C8orf34: variants seen among roughly 807,000 people sequenced by gnomAD.
The protein encoded by C8orf34 is chromosome 8 open reading frame 34.
In C8orf34, 65 loss-of-function variants were observed where a neutral mutation model predicts 68.3. The ratio of observed to expected loss-of-function variants is 0.95; its 90% confidence interval spans 0.78 to 1.17. The LOEUF is 1.17. Among genes scored for constraint, C8orf34 ranks in the 50% most tolerant of loss-of-function variants. C8orf34 has a pLI of 0.00. For missense variants in C8orf34, 664 were observed against 655.4 expected (o/e 1.01, Z -0.14); for synonymous variants, 244 against 241.2 (o/e 1.01, Z -0.11).
chr8:68,691,306 T>G (rs143892124), intron 8 of C8orf34, among the ~76,000 whole-genome samples: 7 of 152,092 alleles, frequency 4.6e-5, no homozygotes, highest in African/African-American at 9.7e-5. Context: ...TTTTTAGTAA[T>G]AAAGTATTTG....
At chr8:68,502,319 T>C (rs1301185552) in intron 5 of C8orf34, among the ~76,000 whole-genome samples, 1 of 152,196 alleles carries the variant, frequency 6.6e-6, no homozygotes, top group Non-Finnish European at 1.5e-5. Flanking sequence ...ATTCCAGGTC[T>C]GGAGCAAGGA....
At chr8:68,811,549 G>T (rs1317410873) in intron 12 of C8orf34, among the ~76,000 whole-genome samples, 1 of 152,146 alleles carries the variant, frequency 6.6e-6, no homozygotes, top group African/African-American at 2.4e-5. Flanking sequence ...TGGTGTCTTC[G>T]CAGCAGCCGC....
intron 1 of C8orf34, among the ~76,000 whole-genome samples, chr8:68,387,907 A>T (rs1292310871): frequency 6.6e-6 from 1 of 152,176 alleles, no homozygotes; most frequent in Non-Finnish European, 1.5e-5. Context: ...AGTTAGTAAA[A>T]GGTATTTACT....
chr8:68,631,447 C>T (rs1000872324), intron 7 of C8orf34, among the ~76,000 whole-genome samples: 8 of 152,076 alleles, frequency 5.3e-5, no homozygotes, highest in Non-Finnish European at 1.2e-4. Flanking sequence ...TATGTTCCTG[C>T]ATGATTATTA....
intron 7 of C8orf34, among the ~76,000 whole-genome samples, chr8:68,606,026 T>A (rs1416568555): frequency 6.6e-6 from 1 of 152,134 alleles, no homozygotes; most frequent in African/African-American, 2.4e-5. Flanking sequence ...AACATAATAC[T>A]GCTCTAAAAA....
intron 8 of C8orf34, among the ~76,000 whole-genome samples, chr8:68,705,036 T>C (rs1189172282): frequency 2.0e-5 from 3 of 152,138 alleles, no homozygotes; most frequent in Non-Finnish European, 4.4e-5. Flanking sequence ...AAAGAAGTGA[T>C]AGATTCGAGA....
chr8:68,609,499 T>A (rs1281927168), intron 7 of C8orf34, among the ~76,000 whole-genome samples: 1 of 152,148 alleles, frequency 6.6e-6, no homozygotes, highest in Non-Finnish European at 1.5e-5. Context: ...ATTGGTGTGG[T>A]CACAGAAGCC....
At chr8:68,341,294 T>C (rs1320014850) in intron 1 of C8orf34, among the ~76,000 whole-genome samples, 1 of 152,162 alleles carries the variant, frequency 6.6e-6, no homozygotes, top group East Asian at 1.9e-4. Flanking sequence ...AGTAGTTCAA[T>C]GGAGGGAGGA....
intron 5 of C8orf34, among the ~76,000 whole-genome samples, chr8:68,498,208 A>G (rs1813615169): frequency 6.6e-6 from 1 of 152,222 alleles, no homozygotes; most frequent in Non-Finnish European, 1.5e-5. Context: ...ATGCATATGC[A>G]CACACATCAA....
intron 1 of C8orf34, among the ~76,000 whole-genome samples, chr8:68,357,687 C>T (rs1032873263): frequency 2.6e-5 from 4 of 152,082 alleles, no homozygotes; most frequent in South Asian, 2.1e-4. Context: ...TACAGTGGAG[C>T]GATTGAAGAA....
chr8:68,650,283 A>G (rs1666870454), intron 8 of C8orf34, among the ~76,000 whole-genome samples: 1 of 152,052 alleles, frequency 6.6e-6, no homozygotes, highest in East Asian at 1.9e-4. Flanking sequence ...TTGTTTAACA[A>G]GCAAAAGGAA....
chr8:68,587,267 G>A (rs1817237218), intron 7 of C8orf34, among the ~76,000 whole-genome samples: 1 of 152,050 alleles, frequency 6.6e-6, no homozygotes, highest in Non-Finnish European at 1.5e-5. Flanking sequence ...GCCATATTTA[G>A]GCACTAAATA....
At chr8:68,814,232 C>A (rs1259034109) in intron 12 of C8orf34, among the ~76,000 whole-genome samples, 1 of 152,192 alleles carries the variant, frequency 6.6e-6, no homozygotes, top group Non-Finnish European at 1.5e-5. Flanking sequence ...AGCACAGTTT[C>A]TTTGGGCTCC....
At chr8:68,794,106 T>TA (rs1824093032) in intron 12 of C8orf34, among the ~76,000 whole-genome samples, 2 of 152,236 alleles carry the variant, frequency 1.3e-5, no homozygotes, top group Admixed American at 1.3e-4. Context: ...TATCTGAAAT[T>TA]ATTGGAACCA....
intron 7 of C8orf34, among the ~76,000 whole-genome samples, chr8:68,561,408 T>C (rs2130170748): frequency 6.6e-6 from 1 of 152,328 alleles, no homozygotes; most frequent in Non-Finnish European, 1.5e-5. Flanking sequence ...TAAGCTTTTT[T>C]TCTATTTACA....
intron 1 of C8orf34, among the ~76,000 whole-genome samples, chr8:68,414,416 T>C (rs1283505071): frequency 6.6e-6 from 1 of 152,222 alleles, no homozygotes; most frequent in Non-Finnish European, 1.5e-5. Context: ...CATATTATCA[T>C]ACGAAATGAA....
At chr8:68,393,349 G>A (rs1360931848) in intron 1 of C8orf34, among the ~76,000 whole-genome samples, 1 of 152,100 alleles carries the variant, frequency 6.6e-6, no homozygotes, top group Non-Finnish European at 1.5e-5. Context: ...AATGGATGGA[G>A]GACATTGTGA....
chr8:68,522,831 C>T (rs908312000), intron 6 of C8orf34, among the ~76,000 whole-genome samples: 4 of 152,210 alleles, frequency 2.6e-5, no homozygotes, highest in Non-Finnish European at 5.9e-5. Context: ...TTTAAGCTTT[C>T]TGTGAGTGTT....
At chr8:68,736,969 T>C (rs1822139751) in intron 10 of C8orf34, among the ~76,000 whole-genome samples, 1 of 152,096 alleles carries the variant, frequency 6.6e-6, no homozygotes, top group Non-Finnish European at 1.5e-5. Context: ...AATTTAAGTT[T>C]TTATCTAACT....
Sources: allele counts gnomAD v4.1 joint callset (sites outside exome capture counted in the v4.1 genomes callset), GRCh38; gene constraint gnomAD v4.1.1; transcripts MANE v1.5; gene names NCBI Gene and HGNC (gene_info 2026-07-23, HGNC 2026-07-21).